PDE1A: variants seen among roughly 807,000 people sequenced by gnomAD.
PDE1A encodes the protein dual specificity calcium/calmodulin-dependent 3',5'-cyclic nucleotide phosphodiesterase 1A.
PDE1A carries 35 observed loss-of-function variants against 61.7 expected under a neutral mutation model. That is an observed-to-expected ratio of 0.57 (90% CI 0.43 to 0.75). The LOEUF (loss-of-function observed/expected upper bound fraction) is 0.75, where lower values mean the gene tolerates loss of function less well. PDE1A is among the 30% of genes least tolerant of loss of function. The pLI is 0.00. For missense variants in PDE1A, 597 were observed against 630.6 expected (o/e 0.95, Z 0.57); for synonymous variants, 232 against 213.2 (o/e 1.09, Z -0.77).
chr2:182,199,873 G>A (rs993662666), intron 10 of PDE1A, among the ~76,000 whole-genome samples: 2 of 152,006 alleles, frequency 1.3e-5, no homozygotes, highest in African/African-American at 2.4e-5. Context: ...AACAATGGGA[G>A]ACAGAAACGT....
intron 13 of PDE1A, among the ~76,000 whole-genome samples, chr2:182,157,329 G>C (rs79390115): frequency 0.024 from 3,579 of 152,062 alleles, 136 homozygotes; most frequent in African/African-American, 0.08. Context: ...TTGATGAATT[G>C]TGACTCTCCA....
At chr2:182,363,951 T>C (rs932777458) in intron 1 of PDE1A, among the ~76,000 whole-genome samples, 3 of 151,974 alleles carry the variant, frequency 2.0e-5, no homozygotes, top group African/African-American at 7.2e-5. Context: ...CACCTCCAGA[T>C]TGAAAGGTAT....
At chr2:182,423,269 A>G (rs1372878419) in intron 1 of PDE1A, among the ~76,000 whole-genome samples, 1 of 152,234 alleles carries the variant, frequency 6.6e-6, no homozygotes, top group African/African-American at 2.4e-5. Flanking sequence ...ATACGAAAAT[A>G]TATACCTAAA....
intron 1 of PDE1A, among the ~76,000 whole-genome samples, chr2:182,266,554 C>A (rs1380220396): frequency 6.6e-6 from 1 of 152,112 alleles, no homozygotes; most frequent in Non-Finnish European, 1.5e-5. Flanking sequence ...GGTTGCCTTC[C>A]TTTTCCCTGA....
At chr2:182,155,769 T>C (rs1254660691) in intron 13 of PDE1A, among the ~76,000 whole-genome samples, 1 of 152,186 alleles carries the variant, frequency 6.6e-6, no homozygotes, top group Admixed American at 6.5e-5. Flanking sequence ...CGCATGCCTG[T>C]AATCCCAGCT....
intron 2 of PDE1A, among the ~76,000 whole-genome samples, chr2:182,247,469 A>G (rs1691060702): frequency 6.6e-6 from 1 of 152,182 alleles, no homozygotes; most frequent in African/African-American, 2.4e-5. Flanking sequence ...ATTTGAATAA[A>G]TTTTGAAAAT....
chr2:182,468,779 C>T (rs995096249), intron 2 of PDE1A, among the ~76,000 whole-genome samples: 2 of 152,040 alleles, frequency 1.3e-5, no homozygotes, highest in African/African-American at 4.8e-5. Context: ...GTCAAAATTA[C>T]TCCTTGGTCC....
downstream of PDE1A, among the ~76,000 whole-genome samples, chr2:182,166,764 T>C (rs13420620): frequency 0.21 from 31,220 of 152,210 alleles, 3,431 homozygotes; most frequent in East Asian, 0.33. Flanking sequence ...TTCCACCTCC[T>C]GTGTGAAGGC....
chr2:182,392,374 G>T (rs1404465868), intron 1 of PDE1A, among the ~76,000 whole-genome samples: 2 of 152,092 alleles, frequency 1.3e-5, no homozygotes, highest in Non-Finnish European at 2.9e-5. Flanking sequence ...CCAACCCCAT[G>T]ATTCAATTAC....
intron 2 of PDE1A, among the ~76,000 whole-genome samples, chr2:182,472,420 G>A (rs1443543537): frequency 6.6e-6 from 1 of 151,900 alleles, no homozygotes; most frequent in Admixed American, 6.6e-5. Flanking sequence ...AACACGGATG[G>A]AACTGGAGAC....
chr2:182,333,945 T>A (rs558967743), intron 1 of PDE1A, among the ~76,000 whole-genome samples: 1 of 152,204 alleles, frequency 6.6e-6, no homozygotes, highest in African/African-American at 2.4e-5. Flanking sequence ...GAGAATACTA[T>A]AAACACCTCT....
chr2:182,233,477 A>G (rs866263549), intron 4 of PDE1A, among the ~76,000 whole-genome samples: 12 of 152,340 alleles, frequency 7.9e-5, no homozygotes, highest in South Asian at 2.1e-4. Context: ...CTATCTTTTA[A>G]CATTAATGAG....
intron 2 of PDE1A, 144 bp from the exon 3 acceptor site, chr2:182,240,436 A>G (rs1690411547): frequency 6.1e-6 from 3 of 491,616 alleles, no homozygotes; most frequent in Non-Finnish European, 1.0e-5. Context: ...AAGAAAGAAA[A>G]AAAATTCATT....
At chr2:182,219,546 G>C (rs1209916832) in intron 7 of PDE1A, among the ~76,000 whole-genome samples, 2 of 152,020 alleles carry the variant, frequency 1.3e-5, no homozygotes, top group Non-Finnish European at 2.9e-5. Flanking sequence ...TAGCAAAAAA[G>C]AAAGTCAAGT....
intron 1 of PDE1A, among the ~76,000 whole-genome samples, chr2:182,363,473 T>C (rs541927673): frequency 4.1e-4 from 62 of 152,024 alleles, no homozygotes; most frequent in African/African-American, 1.4e-3. Context: ...TTAAGTACGA[T>C]AGCCAGAGAA....
chr2:182,210,622 G>A (rs1687505050), intron 7 of PDE1A, among the ~76,000 whole-genome samples: 1 of 152,046 alleles, frequency 6.6e-6, no homozygotes, highest in Non-Finnish European at 1.5e-5. Flanking sequence ...TCTCTTGATA[G>A]TGTCTTTGGT....
chr2:182,467,438 G>T (rs2125791401), intron 2 of PDE1A, among the ~76,000 whole-genome samples: 1 of 151,874 alleles, frequency 6.6e-6, no homozygotes, highest in African/African-American at 2.4e-5. Flanking sequence ...GAAAACATTG[G>T]ACCCAGATAG....
At chr2:182,522,476 T>A in intron 1 of PDE1A, 1 of 1,564,016 alleles carries the variant, frequency 6.4e-7, no homozygotes, top group Non-Finnish European at 8.7e-7. Context: ...CAGTAGCCTC[T>A]CTTATCTATC....
chr2:182,626,858 TACATATATATATACATATATATATAC>T, the PDE1A span, among the ~76,000 whole-genome samples: 62 of 37,698 alleles, frequency 1.6e-3, 5 homozygotes, highest in South Asian at 4.1e-3. Context: ...CATATATATA[TACATATATATATACATATATATATAC>T]ACATATATAT....
Sources: gnomAD v4.1 joint callset for allele counts (sites outside exome capture counted in the v4.1 genomes callset) on GRCh38, gnomAD v4.1.1 for gene constraint, MANE v1.5 for transcripts, NCBI Gene and HGNC (gene_info 2026-07-23, HGNC 2026-07-21) for gene names.